CPAMD8: variants seen among roughly 807,000 people sequenced by gnomAD.
CPAMD8 encodes the protein C3 and PZP-like alpha-2-macroglobulin domain-containing protein 8.
In CPAMD8, 146 loss-of-function variants were observed where a neutral mutation model predicts 224.7. The observed-to-expected ratio is 0.65, with a 90% CI of 0.57 to 0.75. The LOEUF (loss-of-function observed/expected upper bound fraction) is 0.75, where lower values mean the gene tolerates loss of function less well. Ranked by LOEUF, CPAMD8 falls within the 30% of genes least tolerant of loss-of-function variation. The pLI, the probability that CPAMD8 is intolerant of heterozygous loss-of-function variation, is 0.00. For synonymous variants in CPAMD8, 966 were observed against 1,044.6 expected, an observed-to-expected ratio of 0.92 and a Z score of 1.45; for missense variants, 2,301 against 2,537.5, an observed-to-expected ratio of 0.91 and a Z score of 2.00.
chr19:16,963,687 G>A (rs761616862), intron 18 of CPAMD8, among the ~76,000 whole-genome samples: 18 of 152,138 alleles, frequency 1.2e-4, no homozygotes, highest in Non-Finnish European at 2.5e-4. Context: ...TCTGCACCAA[G>A]CAGACCTAAT....
At chr19:16,949,962 A>C (rs960207805) in intron 20 of CPAMD8, among the ~76,000 whole-genome samples, 1 of 152,116 alleles carries the variant, frequency 6.6e-6, no homozygotes, top group African/African-American at 2.4e-5. Flanking sequence ...GAATGATTCC[A>C]TCACAGACCC....
chr19:16,941,456 G>A (rs562889260), intron 22 of CPAMD8, among the ~76,000 whole-genome samples: 1 of 152,314 alleles, frequency 6.6e-6, no homozygotes, highest in East Asian at 1.9e-4. Context: ...TGATTCCATT[G>A]ATACAAAATG....
At chr19:17,004,799 T>C (rs147902389) in intron 7 of CPAMD8, among the ~76,000 whole-genome samples, 179 of 152,156 alleles carry the variant, frequency 1.2e-3, no homozygotes, top group African/African-American at 4.1e-3. Context: ...TCCTGTGAGC[T>C]GTAGGATGCT....
chr19:16,958,446 T>G (rs2054543608), intron 18 of CPAMD8, among the ~76,000 whole-genome samples: 1 of 152,196 alleles, frequency 6.6e-6, no homozygotes, highest in African/African-American at 2.4e-5. Context: ...ACAAAAGACA[T>G]GATTTTGTTC....
intron 36 of CPAMD8, among the ~76,000 whole-genome samples, chr19:16,900,299 A>T (rs779746824): frequency 6.6e-6 from 1 of 152,090 alleles, no homozygotes; most frequent in Non-Finnish European, 1.5e-5. Flanking sequence ...GGTGGCATTT[A>T]TAATAGTGTG....
intron 16 of CPAMD8, among the ~76,000 whole-genome samples, 154 bp from the exon 17 acceptor site, chr19:16,975,412 A>G (rs1184913563): frequency 6.6e-6 from 1 of 152,186 alleles, no homozygotes. Flanking sequence ...CCATTTTAAG[A>G]TGGGCAAACA....
intron 18 of CPAMD8, among the ~76,000 whole-genome samples, chr19:16,966,800 T>G (rs1464354022): frequency 6.6e-6 from 1 of 152,152 alleles, no homozygotes; most frequent in Non-Finnish European, 1.5e-5. Flanking sequence ...TACCATCTCA[T>G]GCCAATTAGA....
chr19:17,005,235 C>T (rs1599892279), intron 7 of CPAMD8, among the ~76,000 whole-genome samples: 1 of 151,796 alleles, frequency 6.6e-6, no homozygotes, highest in African/African-American at 2.4e-5. Flanking sequence ...TGGTGGAAAT[C>T]CCAGAGCACT....
intron 34 of CPAMD8, among the ~76,000 whole-genome samples, chr19:16,903,254 G>A (rs1431862241): frequency 6.6e-6 from 1 of 151,916 alleles, no homozygotes; most frequent in African/African-American, 2.4e-5. Context: ...GCCTGGTCTG[G>A]GGCTAAATCC....
chr19:16,985,661 A>G (rs1250209657), intron 13 of CPAMD8, among the ~76,000 whole-genome samples: 1 of 134,314 alleles, frequency 7.4e-6, no homozygotes, highest in Non-Finnish European at 1.6e-5. Context: ...ATGGATGAAT[A>G]GATAGATGGA....
At chr19:16,906,796 G>A (rs996219664) in intron 30 of CPAMD8, among the ~76,000 whole-genome samples, 156 bp downstream of exon 30, 8 of 152,108 alleles carry the variant, frequency 5.3e-5, no homozygotes, top group Non-Finnish European at 1.0e-4. Context: ...TGCAATCTCC[G>A]CCTCCCGGGT....
intron 14 of CPAMD8, among the ~76,000 whole-genome samples, chr19:16,979,679 A>G (rs2055437449): frequency 6.6e-6 from 1 of 152,158 alleles, no homozygotes. Flanking sequence ...TCTATCATCT[A>G]TAGGGCTATT....
chr19:16,951,828 G>T, intron 20 of CPAMD8, 141 bp downstream of exon 20: 5 of 616,788 alleles, frequency 8.1e-6, no homozygotes, highest in South Asian at 2.0e-5. Flanking sequence ...ACCCATCCCT[G>T]CCTCCTCAAC....
chr19:16,914,858 G>GC, intron 27 of CPAMD8, 45 bp from the exon 28 acceptor site: 1 of 1,424,180 alleles, frequency 7.0e-7, no homozygotes. Flanking sequence ...AGAATGGTCA[G>GC]CCCCCACATG....
intron 26 of CPAMD8, 103 bp downstream of exon 26, chr19:16,925,093 G>A (rs931524532): frequency 9.8e-5 from 122 of 1,250,220 alleles, no homozygotes; most frequent in Non-Finnish European, 1.4e-4. Flanking sequence ...CCTCCCCTTT[G>A]CTGCACCTGG....
intron 18 of CPAMD8, among the ~76,000 whole-genome samples, chr19:16,966,533 A>G (rs181802463): frequency 0.011 from 1,681 of 152,342 alleles, 25 homozygotes; most frequent in African/African-American, 0.038. Context: ...GGCAAAAGAA[A>G]CTACCATCAG....
At chr19:16,987,200 A>G (rs1599852736) in intron 13 of CPAMD8, among the ~76,000 whole-genome samples, 1 of 132,088 alleles carries the variant, frequency 7.6e-6, no homozygotes, top group African/African-American at 2.9e-5. Flanking sequence ...ATATATATAT[A>G]TATATATATG....
intron 5 of CPAMD8, among the ~76,000 whole-genome samples, chr19:17,009,911 C>A (rs1488072807): frequency 6.6e-6 from 1 of 152,162 alleles, no homozygotes; most frequent in Admixed American, 6.5e-5. Flanking sequence ...AGTATTGCTT[C>A]TGTGGATCCT....
At chr19:16,942,179 T>A (rs2053918775) in intron 22 of CPAMD8, among the ~76,000 whole-genome samples, 1 of 151,482 alleles carries the variant, frequency 6.6e-6, no homozygotes, top group Non-Finnish European at 1.5e-5. Flanking sequence ...TATCCAGTCA[T>A]GGTCGGGCAC....
Sources: gnomAD v4.1 joint callset for allele counts (sites outside exome capture counted in the v4.1 genomes callset) on GRCh38, gnomAD v4.1.1 for gene constraint, MANE v1.5 for transcripts, NCBI Gene and HGNC (gene_info 2026-07-23, HGNC 2026-07-21) for gene names.